The following RANBP2 variants were observed in gnomAD, a reference collection of about 807,000 sequenced individuals.
The protein encoded by RANBP2 is E3 SUMO-protein ligase RanBP2.
RANBP2 carries 57 observed loss-of-function variants against 303.6 expected under a neutral mutation model. The ratio of observed to expected loss-of-function variants is 0.19; its 90% CI spans 0.15 to 0.23. The LOEUF (loss-of-function observed/expected upper bound fraction) is 0.23. Among genes scored for constraint, RANBP2 ranks in the 10% least tolerant of loss-of-function variants. The probability of loss-of-function intolerance (pLI) is 1.00; values close to 1 mark genes in which losing one functional copy is unlikely to be tolerated. For missense variants in RANBP2, 3,138 were observed against 3,780.8 expected (o/e 0.83, Z 4.46); for synonymous variants, 1,167 against 1,301.5 (o/e 0.90, Z 2.23).
At chr2:109,472,516 T>C in the RANBP2 span, among the ~76,000 whole-genome samples, 1 of 152,140 alleles carries the variant, frequency 6.6e-6, no homozygotes, top group East Asian at 1.9e-4. Context: ...AGAGCTTTGA[T>C]TTACGGTTGC....
the RANBP2 span, among the ~76,000 whole-genome samples, chr2:108,874,345 T>G: frequency 6.6e-6 from 1 of 152,186 alleles, no homozygotes; most frequent in African/African-American, 2.4e-5. Context: ...GGGCTTTGTT[T>G]CCTCATCTTT....
chr2:109,526,908 T>C, the RANBP2 span, among the ~76,000 whole-genome samples: 1 of 152,130 alleles, frequency 6.6e-6, no homozygotes, highest in Non-Finnish European at 1.5e-5. Context: ...AGCCAGCACA[T>C]GTTCGACTCT....
the RANBP2 span, among the ~76,000 whole-genome samples, chr2:109,685,405 C>A: frequency 6.6e-6 from 1 of 152,158 alleles, no homozygotes; most frequent in Non-Finnish European, 1.5e-5. Context: ...TGTCAAATTG[C>A]CTTTGTAGAG....
chr2:109,476,949 C>T, the RANBP2 span, among the ~76,000 whole-genome samples: 1 of 152,240 alleles, frequency 6.6e-6, no homozygotes, highest in African/African-American at 2.4e-5. Context: ...TCACCCTCAT[C>T]ACCACCTTGG....
the RANBP2 span, among the ~76,000 whole-genome samples, chr2:109,060,528 C>G: frequency 8.5e-5 from 13 of 152,190 alleles, no homozygotes; most frequent in African/African-American, 2.7e-4. Flanking sequence ...TTTTGTCTCT[C>G]TATAGCGTTT....
the RANBP2 span, among the ~76,000 whole-genome samples, chr2:108,974,853 C>T: frequency 6.6e-6 from 1 of 152,194 alleles, no homozygotes; most frequent in Non-Finnish European, 1.5e-5. Flanking sequence ...CCCACCACCC[C>T]GAGCTGCCTC....
At chr2:109,088,058 C>T in the RANBP2 span, among the ~76,000 whole-genome samples, 1 of 151,952 alleles carries the variant, frequency 6.6e-6, no homozygotes, top group Non-Finnish European at 1.5e-5. Flanking sequence ...AAGTCAGGAG[C>T]TCGAGACTAG....
the RANBP2 span, among the ~76,000 whole-genome samples, chr2:108,999,094 G>GT: frequency 6.6e-6 from 1 of 152,204 alleles, no homozygotes; most frequent in East Asian, 1.9e-4. Flanking sequence ...TCTTATTATT[G>GT]TAAGTATGTG....
At chr2:109,632,893 G>A in the RANBP2 span, among the ~76,000 whole-genome samples, 1 of 151,924 alleles carries the variant, frequency 6.6e-6, no homozygotes, top group Admixed American at 6.6e-5. Flanking sequence ...AATCATTTTA[G>A]ATTTCTTTCC....
At chr2:109,189,367 C>CTTTTT in the RANBP2 span, among the ~76,000 whole-genome samples, 3 of 147,972 alleles carry the variant, frequency 2.0e-5, no homozygotes, top group African/African-American at 2.5e-5. Flanking sequence ...AGTCGTTTGA[C>CTTTTT]TTTTTTTTTT....
At chr2:109,073,092 C>T in the RANBP2 span, among the ~76,000 whole-genome samples, 8 of 152,090 alleles carry the variant, frequency 5.3e-5, no homozygotes, top group Non-Finnish European at 1.2e-4. Context: ...CTGACCCAAA[C>T]AGAATGGAGA....
At chr2:109,240,955 A>G in the RANBP2 span, among the ~76,000 whole-genome samples, 1,297 of 147,110 alleles carry the variant, frequency 8.8e-3, 15 homozygotes, top group African/African-American at 0.031. Context: ...TCACCTCCTT[A>G]TAATCCACAT....
chr2:109,310,046 C>T, the RANBP2 span, among the ~76,000 whole-genome samples: 1 of 117,694 alleles, frequency 8.5e-6, no homozygotes, highest in South Asian at 2.8e-4. Flanking sequence ...ACATTTTTTT[C>T]AGCACCACAC....
intron 6 of RANBP2, among the ~76,000 whole-genome samples, chr2:108,737,349 TG>T (rs369015105): frequency 0.17 from 21,717 of 128,008 alleles, 2,731 homozygotes; most frequent in African/African-American, 0.33. Context: ...TTTTTTTTTT[TG>T]TTTTTTTGAG....
At chr2:109,249,558 TCC>T in the RANBP2 span, among the ~76,000 whole-genome samples, 4 of 137,964 alleles carry the variant, frequency 2.9e-5, no homozygotes, top group Admixed American at 7.2e-5. Context: ...CTTCCTTCCT[TCC>T]TTCCTTCCTT....
chr2:108,916,471 C>T, the RANBP2 span, among the ~76,000 whole-genome samples: 2 of 152,116 alleles, frequency 1.3e-5, no homozygotes, highest in African/African-American at 4.8e-5. Context: ...AATGACGTCC[C>T]CAAACAATGC....
At chr2:109,020,101 T>C in the RANBP2 span, among the ~76,000 whole-genome samples, 2 of 152,368 alleles carry the variant, frequency 1.3e-5, no homozygotes, top group East Asian at 3.9e-4. Flanking sequence ...GATTGTTCGC[T>C]GTCTTTTATA....
chr2:109,563,385 T>C, the RANBP2 span, among the ~76,000 whole-genome samples: 8 of 152,252 alleles, frequency 5.3e-5, no homozygotes, highest in Admixed American at 3.9e-4. Context: ...TTGTTTACTC[T>C]GGTGCAGGTG....
chr2:109,309,784 G>A, the RANBP2 span, among the ~76,000 whole-genome samples: 12 of 122,774 alleles, frequency 9.8e-5, 1 homozygote, highest in South Asian at 3.1e-3. Flanking sequence ...TCAACAAGAA[G>A]AGCTAACTAT....
Sources: allele counts gnomAD v4.1 joint callset (sites outside exome capture counted in the v4.1 genomes callset), GRCh38; gene constraint gnomAD v4.1.1; transcripts MANE v1.5; gene names NCBI Gene and HGNC (gene_info 2026-07-23, HGNC 2026-07-21).